Variants in STAG1 observed in about 807,000 individuals in gnomAD.
STAG1 encodes the protein STAG1 cohesin complex component, also known as cohesin subunit SA-1.
In STAG1, 26 loss-of-function variants were observed where a neutral mutation model predicts 170.9. The ratio of observed to expected loss-of-function variants is 0.15; its 90% CI spans 0.11 to 0.21. The LOEUF is 0.21. STAG1 is among the 10% of genes least tolerant of loss of function. The pLI, the probability that STAG1 is intolerant of heterozygous loss-of-function variation, is 1.00. For missense variants in STAG1, 964 were observed against 1,509.5 expected, an observed-to-expected ratio of 0.64 and a Z score of 5.99; for synonymous variants, 514 against 497.7, an observed-to-expected ratio of 1.03 and a Z score of -0.44.
intron 4 of STAG1, among the ~76,000 whole-genome samples, chr3:136,579,480 G>C (rs1016246153): frequency 6.6e-6 from 1 of 152,162 alleles, no homozygotes; most frequent in Non-Finnish European, 1.5e-5. Flanking sequence ...GGGAAGAAGC[G>C]ATTTCTAAGC....
chr3:136,419,141 T>C (rs2087869742), intron 20 of STAG1, among the ~76,000 whole-genome samples: 1 of 152,182 alleles, frequency 6.6e-6, no homozygotes, highest in African/African-American at 2.4e-5. Context: ...AATTTTTATA[T>C]TCTCATGGGC....
intron 12 of STAG1, among the ~76,000 whole-genome samples, chr3:136,467,625 C>T (rs1388150257): frequency 6.6e-6 from 1 of 152,108 alleles, no homozygotes; most frequent in Non-Finnish European, 1.5e-5. Flanking sequence ...AAAAGGATAT[C>T]CAGGAATTGA....
chr3:136,560,570 AT>A (rs1338768716), intron 5 of STAG1, among the ~76,000 whole-genome samples: 1 of 152,136 alleles, frequency 6.6e-6, no homozygotes, highest in Non-Finnish European at 1.5e-5. Context: ...TTACCTTTGC[AT>A]TTTTCCCACT....
chr3:136,354,606 A>G (rs1364698353), intron 28 of STAG1, among the ~76,000 whole-genome samples: 1 of 151,762 alleles, frequency 6.6e-6, no homozygotes, highest in Non-Finnish European at 1.5e-5. Context: ...TCGGCCAGTA[A>G]ATTTTGATAA....
At chr3:136,534,517 A>G (rs1935529814) in intron 6 of STAG1, among the ~76,000 whole-genome samples, 1 of 152,184 alleles carries the variant, frequency 6.6e-6, no homozygotes, top group Non-Finnish European at 1.5e-5. Context: ...TTCATCCAAC[A>G]GAAGACTAAT....
chr3:136,493,496 A>G (rs2090158828), intron 9 of STAG1, among the ~76,000 whole-genome samples: 1 of 152,140 alleles, frequency 6.6e-6, no homozygotes, highest in East Asian at 1.9e-4. Flanking sequence ...CTCTACAAAA[A>G]TAACAAAAAT....
chr3:136,561,004 C>A (rs1185314191), intron 5 of STAG1, among the ~76,000 whole-genome samples: 1 of 151,962 alleles, frequency 6.6e-6, no homozygotes, highest in African/African-American at 2.4e-5. Context: ...TTTTAAAACA[C>A]TCTTTTGGTC....
At chr3:136,611,985 C>A (rs1939312950) in intron 3 of STAG1, among the ~76,000 whole-genome samples, 1 of 151,832 alleles carries the variant, frequency 6.6e-6, no homozygotes. Context: ...GTAGCTGGGA[C>A]TACAGGTGCC....
At chr3:136,738,030 T>C (rs1341851481) in intron 1 of STAG1, among the ~76,000 whole-genome samples, 7 of 152,064 alleles carry the variant, frequency 4.6e-5, no homozygotes, top group African/African-American at 1.7e-4. Flanking sequence ...ATTGTGCCAT[T>C]GCAGTCCAGC....
intron 22 of STAG1, among the ~76,000 whole-genome samples, chr3:136,392,996 A>G (rs2087053480): frequency 6.6e-6 from 1 of 152,144 alleles, no homozygotes; most frequent in South Asian, 2.1e-4. Context: ...ACCTCTTGAG[A>G]GATTTAAATG....
chr3:136,587,273 C>T (rs1272234642), intron 4 of STAG1, among the ~76,000 whole-genome samples: 4 of 152,036 alleles, frequency 2.6e-5, no homozygotes, highest in African/African-American at 9.7e-5. Context: ...GACCTGATGG[C>T]TCACACCTGT....
At chr3:136,532,764 A>T (rs1935441420) in intron 6 of STAG1, among the ~76,000 whole-genome samples, 1 of 152,192 alleles carries the variant, frequency 6.6e-6, no homozygotes. Flanking sequence ...AAAGGAATAT[A>T]CCTCAAAATA....
At chr3:136,644,945 G>C (rs1293680958) in intron 1 of STAG1, among the ~76,000 whole-genome samples, 1 of 152,014 alleles carries the variant, frequency 6.6e-6, no homozygotes, top group Admixed American at 6.6e-5. Context: ...GCCCAGGCTG[G>C]TGTCGAACTG....
intron 1 of STAG1, among the ~76,000 whole-genome samples, chr3:136,712,539 G>A (rs1943413419): frequency 6.6e-6 from 1 of 152,200 alleles, no homozygotes; most frequent in Non-Finnish European, 1.5e-5. Context: ...GGTCAGCACT[G>A]AGATGCTCAA....
intron 22 of STAG1, among the ~76,000 whole-genome samples, chr3:136,387,009 A>G (rs1208201415): frequency 1.3e-5 from 2 of 151,924 alleles, no homozygotes; most frequent in Non-Finnish European, 2.9e-5. Context: ...CCTGCTAAAA[A>G]TTTAGTGATC....
chr3:136,540,851 A>AAAAAAAAAAAAAAAAC (rs1559868703), intron 6 of STAG1, among the ~76,000 whole-genome samples: 1 of 145,732 alleles, frequency 6.9e-6, no homozygotes, highest in Non-Finnish European at 1.5e-5. Flanking sequence ...AAAAAAAAAA[A>AAAAAAAAAAAAAAAAC]ACCTATATAT....
chr3:136,605,216 A>G (rs1024415420), intron 3 of STAG1, among the ~76,000 whole-genome samples: 1 of 152,208 alleles, frequency 6.6e-6, no homozygotes, highest in African/African-American at 2.4e-5. Flanking sequence ...AGCAATAAAC[A>G]AAACAGACAA....
At chr3:136,405,731 C>T (rs1259733163) in intron 21 of STAG1, among the ~76,000 whole-genome samples, 1 of 120,476 alleles carries the variant, frequency 8.3e-6, no homozygotes, top group Non-Finnish European at 1.6e-5. Context: ...TGGCAGGTGT[C>T]TGTAATCCCA....
At chr3:136,632,763 G>A (rs1192823233) in intron 1 of STAG1, among the ~76,000 whole-genome samples, 4 of 152,148 alleles carry the variant, frequency 2.6e-5, no homozygotes, top group Non-Finnish European at 2.9e-5. Flanking sequence ...GCATAGGCTT[G>A]CACCTCTAAT....
Sources: allele counts gnomAD v4.1 joint callset (sites outside exome capture counted in the v4.1 genomes callset), GRCh38; gene constraint gnomAD v4.1.1; transcripts MANE v1.5; gene names NCBI Gene and HGNC (gene_info 2026-07-23, HGNC 2026-07-21).